Variants in TMTC1 observed in about 807,000 individuals in gnomAD.
TMTC1 encodes the protein transmembrane O-mannosyltransferase targeting cadherins 1.
Under a neutral mutation model 104.8 loss-of-function variants are expected in TMTC1, and 73 were observed. The ratio of observed to expected loss-of-function variants is 0.70; its 90% CI spans 0.58 to 0.85. The LOEUF is 0.85. Ranked by LOEUF, TMTC1 falls within the 40% of genes least tolerant of loss-of-function variation. The pLI, the probability that TMTC1 is intolerant of heterozygous loss-of-function variation, is 0.00. For missense variants in TMTC1, 1,035 were observed against 1,096.1 expected (o/e 0.94, Z 0.79); for synonymous variants, 434 against 428.7 (o/e 1.01, Z -0.15).
chr12:29,629,395 G>A (rs370839294), intron 6 of TMTC1, among the ~76,000 whole-genome samples: 6 of 151,598 alleles, frequency 4.0e-5, no homozygotes, highest in East Asian at 1.9e-4. Context: ...CTCCCATATC[G>A]AGCCAATGTA....
chr12:29,616,971 T>C (rs1946997752), intron 6 of TMTC1, among the ~76,000 whole-genome samples: 2 of 152,140 alleles, frequency 1.3e-5, no homozygotes, highest in Non-Finnish European at 2.9e-5. Context: ...TTATTCTCTA[T>C]ACTCTTAATA....
chr12:29,713,703 T>C (rs965833218), intron 5 of TMTC1, among the ~76,000 whole-genome samples: 1 of 152,260 alleles, frequency 6.6e-6, no homozygotes, highest in Non-Finnish European at 1.5e-5. Context: ...ACATTAGAAA[T>C]AAATACTATT....
chr12:29,643,489 ATAT>A (rs1248826325), intron 5 of TMTC1, among the ~76,000 whole-genome samples: 19 of 37,960 alleles, frequency 5.0e-4, no homozygotes, highest in South Asian at 1.6e-3. Context: ...AATATAAAAA[ATAT>A]TATATATTAT....
In TMTC1 at chr12:29,644,147, G is replaced by A. The variant is rs1276936789; in HGVS notation, c.939-10811C>T. The stretch of plus-strand genomic sequence containing the variant: ...TGTGTGTGTGTGTGTGTGTGTGTGT[G>A]TGTATATATATATATAATGAAATAC... On this transcript the variant is annotated intron_variant, in intron 5 of 17. Transcript: ENST00000539277. 5.4e-4 allele frequency among the ~76,000 whole-genome samples: 33 copies of A among 61,550 alleles called. 2 individuals carry two copies. Among genetic ancestry groups the A allele is most frequent in the African/African-American group, 2.1e-3 (30 of 14,572 alleles). The allele number at this position is 61,550 out of a possible 152,430, so 40.4% of individuals were successfully genotyped here.
intron 5 of TMTC1, among the ~76,000 whole-genome samples, chr12:29,704,150 T>C (rs1221818955): frequency 6.6e-6 from 1 of 152,220 alleles, no homozygotes; most frequent in African/African-American, 2.4e-5. Flanking sequence ...AAAATAATAA[T>C]TTCAGAGATT....
chr12:29,737,577 G>C (rs902787729), intron 5 of TMTC1, among the ~76,000 whole-genome samples: 5 of 152,100 alleles, frequency 3.3e-5, no homozygotes, highest in African/African-American at 1.2e-4. Context: ...AGGGAAAAGG[G>C]GAAACAGATT....
chr12:29,582,850 T>C (rs932001891), intron 8 of TMTC1, among the ~76,000 whole-genome samples: 18 of 152,190 alleles, frequency 1.2e-4, no homozygotes, highest in African/African-American at 3.9e-4. Context: ...GGGTGTCAGG[T>C]GTGGCAGTGC....
At chr12:29,590,324 C>T (rs1174985858) in intron 7 of TMTC1, among the ~76,000 whole-genome samples, 3 of 152,196 alleles carry the variant, frequency 2.0e-5, no homozygotes, top group African/African-American at 7.2e-5. Flanking sequence ...GTTATTGCCA[C>T]AAGTGGCTAT....
chr12:29,751,329 G>C (rs1332272207), intron 5 of TMTC1, among the ~76,000 whole-genome samples: 1 of 152,152 alleles, frequency 6.6e-6, no homozygotes, highest in African/African-American at 2.4e-5. Context: ...AGAGCAGAGA[G>C]AGAGAGGCAG....
chr12:29,773,670 G>T, intron 1 of TMTC1, among the ~76,000 whole-genome samples: 1 of 152,130 alleles, frequency 6.6e-6, no homozygotes, highest in East Asian at 1.9e-4. Flanking sequence ...TTAGAGGGCT[G>T]CCCATCTACT....
chr12:29,502,669 ATTG>A lies in TMTC1; in HGVS notation c.*4174_*4176del, dbSNP rs1467364058. 1 of 152,240 alleles carries A rather than the reference ATTG, an allele frequency of 6.6e-6. No homozygotes were observed. Among genetic ancestry groups the A allele is most frequent in the Non-Finnish European group, 1.5e-5 (1 of 68,046 alleles). The allele number at this position is 152,240 out of a possible 1,614,324, so 9.4% of individuals were successfully genotyped here. ...CAACCAACCAATTGTGCCATACATC[ATTG>A]TTAAGACTTCTTTGGCTCATTTTAG... On this transcript the variant is annotated 3_prime_UTR_variant, in exon 18 of 18. Transcript: ENST00000539277.
chr12:29,663,320 G>T (rs763133719), intron 5 of TMTC1, among the ~76,000 whole-genome samples: 7 of 152,160 alleles, frequency 4.6e-5, no homozygotes, highest in Non-Finnish European at 7.3e-5. Flanking sequence ...CAGTGGAAAT[G>T]GAAAAGGTGC....
At chr12:29,520,099 A>G (rs1163103753) in intron 12 of TMTC1, among the ~76,000 whole-genome samples, 1 of 152,248 alleles carries the variant, frequency 6.6e-6, no homozygotes, top group Non-Finnish European at 1.5e-5. Context: ...AATGTTTTGC[A>G]TTAAGTAAGA....
At chr12:29,557,089 A>T (rs1945265882) in intron 9 of TMTC1, 89 bp from the exon 10 acceptor site, 2 of 1,420,362 alleles carry the variant, frequency 1.4e-6, no homozygotes, top group East Asian at 2.3e-5. Flanking sequence ...AAGTATGAAC[A>T]GCCAAAATGA....
At chr12:29,624,691 G>C (rs1379776213) in intron 6 of TMTC1, among the ~76,000 whole-genome samples, 1 of 152,132 alleles carries the variant, frequency 6.6e-6, no homozygotes, top group East Asian at 1.9e-4. Flanking sequence ...CCTTATCTGT[G>C]AGGCCAGCCC....
At chr12:29,542,416 C>T (rs1403160844) in intron 10 of TMTC1, among the ~76,000 whole-genome samples, 2 of 152,216 alleles carry the variant, frequency 1.3e-5, no homozygotes, top group African/African-American at 4.8e-5. Flanking sequence ...TGCCCTGCAG[C>T]ATCTGGAATT....
rs1306724614 is a variant in TMTC1, at chr12:29,633,287, C to T, written c.988G>A (p.Ala330Thr). The T allele has an allele frequency of 6.2e-7, 1 of 1,613,488 alleles. No individual in the cohort carries two copies. The highest frequency in any genetic ancestry group is 8.5e-7 in the Non-Finnish European group (1 of 1,179,754). Residue 330 changes from alanine to threonine, a missense_variant, in exon 6 of 18, where the codon GCA (alanine) becomes ACA (threonine). Ala to Thr is a moderately conservative substitution (Grantham distance 58). Transcript: ENST00000539277. The part of the protein sequence containing the change: ...LLAFNVWLLL[A>T]PVTLCYDWQV... Reference sequence around the variant, plus strand: ...CAGTCATAGCACAGGGTCACGGGTGCAAGCAGAAGCCACACATTGAAGGCC... The same window carrying T: ...CAGTCATAGCACAGGGTCACGGGTGTAAGCAGAAGCCACACATTGAAGGCC...
intron 5 of TMTC1, among the ~76,000 whole-genome samples, chr12:29,705,795 T>C (rs1315459715): frequency 6.6e-6 from 1 of 152,126 alleles, no homozygotes; most frequent in East Asian, 1.9e-4. Flanking sequence ...CTATGAAGGA[T>C]AGAGAAACAA....
chr12:29,514,388 T>A (rs1943924545), intron 16 of TMTC1, 94 bp downstream of exon 16: 1 of 1,318,728 alleles, frequency 7.6e-7, no homozygotes, highest in African/African-American at 1.5e-5. Flanking sequence ...ATGCCAGTGA[T>A]CTTAGATCTT....
Sources: allele counts gnomAD v4.1 joint callset (sites outside exome capture counted in the v4.1 genomes callset), GRCh38; gene constraint gnomAD v4.1.1; transcripts MANE v1.5; gene names NCBI Gene and HGNC (gene_info 2026-07-23, HGNC 2026-07-21).